The following CALN1 variants were observed in gnomAD, a reference collection of about 807,000 sequenced individuals.
CALN1 encodes calneuron 1, also known as calcium-binding protein 8.
In CALN1, 17 loss-of-function variants were observed where a neutral mutation model predicts 30.6. The ratio of observed to expected loss-of-function variants is 0.56; its 90% CI spans 0.38 to 0.83. CALN1 has a LOEUF of 0.83. Ranked by LOEUF, CALN1 falls within the 40% of genes least tolerant of loss-of-function variation. The pLI is 0.00. For synonymous variants in CALN1, 156 were observed against 131.4 expected (o/e 1.19, Z -1.28); for missense variants, 291 against 354.9 (o/e 0.82, Z 1.45).
chr7:72,310,134 A>G (rs1186286647), intron 2 of CALN1, among the ~76,000 whole-genome samples: 1 of 151,946 alleles, frequency 6.6e-6, no homozygotes, highest in Non-Finnish European at 1.5e-5. Context: ...TTAAGTCTCT[A>G]GATATACAAA....
chr7:72,027,929 G>A (rs1381799160), intron 4 of CALN1, among the ~76,000 whole-genome samples: 1 of 151,622 alleles, frequency 6.6e-6, no homozygotes, highest in African/African-American at 2.4e-5. Flanking sequence ...CGTGGTGGCG[G>A]GCGCCTGTAG....
chr7:72,136,893 T>C (rs1809549546), intron 3 of CALN1, among the ~76,000 whole-genome samples: 1 of 152,172 alleles, frequency 6.6e-6, no homozygotes, highest in South Asian at 2.1e-4. Context: ...TTTATATAGA[T>C]GTAGTTTGTG....
intron 5 of CALN1, among the ~76,000 whole-genome samples, chr7:71,966,743 T>TA (rs1316249171): frequency 6.6e-6 from 1 of 152,190 alleles, no homozygotes; most frequent in Non-Finnish European, 1.5e-5. Context: ...AACAGACTAA[T>TA]ACCATGGTTC....
chr7:72,284,854 A>T (rs1797979104), intron 2 of CALN1, among the ~76,000 whole-genome samples: 1 of 152,142 alleles, frequency 6.6e-6, no homozygotes, highest in Non-Finnish European at 1.5e-5. Flanking sequence ...GATATATGAT[A>T]GATGATGGAT....
chr7:71,892,533 G>A (rs1320884715), intron 5 of CALN1, among the ~76,000 whole-genome samples: 1 of 152,110 alleles, frequency 6.6e-6, no homozygotes, highest in African/African-American at 2.4e-5. Flanking sequence ...CGCTACTCAG[G>A]AGAATCGCTT....
At chr7:72,209,302 TTCCTTCCCTCCTTCCC>T (rs1423582606) in intron 3 of CALN1, among the ~76,000 whole-genome samples, 3 of 40,840 alleles carry the variant, frequency 7.3e-5, no homozygotes, top group African/African-American at 2.2e-4. Flanking sequence ...CCTTCCCTCT[TTCCTTCCCTCCTTCCC>T]TCCTTCCCTC....
intron 4 of CALN1, among the ~76,000 whole-genome samples, chr7:72,056,949 G>GT (rs1424880724): frequency 4.6e-5 from 7 of 151,852 alleles, no homozygotes; most frequent in Admixed American, 2.6e-4. Context: ...TTGTTGTTTT[G>GT]TTTGTTTTAA....
chr7:72,402,881 C>A (rs1478027172), intron 2 of CALN1, among the ~76,000 whole-genome samples: 1 of 152,180 alleles, frequency 6.6e-6, no homozygotes, highest in Non-Finnish European at 1.5e-5. Flanking sequence ...ACGAGATTAA[C>A]AATACCCTCA....
chr7:71,865,316 T>C (rs1344714416), intron 5 of CALN1, among the ~76,000 whole-genome samples: 1 of 152,156 alleles, frequency 6.6e-6, no homozygotes, highest in Admixed American at 6.6e-5. Context: ...CCCCTCTCTA[T>C]CTCTTCCTCC....
chr7:72,460,461 G>A, the CALN1 span, among the ~76,000 whole-genome samples: 3 of 151,524 alleles, frequency 2.0e-5, no homozygotes, highest in Non-Finnish European at 2.9e-5. Flanking sequence ...ATGAAACCCC[G>A]TCTCTACTGA....
chr7:72,149,842 C>T (rs116602748), intron 3 of CALN1, among the ~76,000 whole-genome samples: 1,953 of 151,882 alleles, frequency 0.013, 44 homozygotes, highest in African/African-American at 0.044. Flanking sequence ...GGCCAGGCAC[C>T]GTGGCTCATG....
chr7:71,791,220 C>T (rs905778197), intron 6 of CALN1, among the ~76,000 whole-genome samples: 2 of 152,186 alleles, frequency 1.3e-5, no homozygotes, highest in Non-Finnish European at 2.9e-5. Flanking sequence ...TTATGTACCA[C>T]ATTTCCTTTA....
intron 2 of CALN1, among the ~76,000 whole-genome samples, chr7:72,338,481 G>A (rs1239648580): frequency 8.3e-6 from 1 of 119,892 alleles, no homozygotes; most frequent in African/African-American, 3.8e-5. Flanking sequence ...GTGTGTGTGT[G>A]TGTGTGTGTG....
intron 2 of CALN1, among the ~76,000 whole-genome samples, chr7:72,319,979 C>A (rs564238526): frequency 7.9e-5 from 12 of 152,200 alleles, no homozygotes; most frequent in Non-Finnish European, 1.8e-4. Flanking sequence ...CATGGTGAAA[C>A]CCAGACTCTA....
Position 72,105,940 on chromosome 7 carries a change from A to G in CALN1, c.388+211T>C, listed in dbSNP as rs113258000. Among the ~76,000 whole-genome samples, 505 of 151,930 alleles carry G rather than the reference A, an allele frequency of 3.3e-3. 4 individuals carry two copies. The highest frequency in any genetic ancestry group is 0.012 in the African/African-American group (489 of 41,420). ...TTCCACCAGCCAGGCCTCTTTCCTC[A>G]CCCCATCCTATAGTGGCCCTGAAAC... On this transcript the variant is annotated intron_variant, in intron 4 of 6. Coordinates refer to ENST00000395275, the MANE Select transcript of CALN1 (RefSeq NM_031468.4).
chr7:72,013,705 T>A (rs1800221241), intron 5 of CALN1, among the ~76,000 whole-genome samples: 1 of 152,130 alleles, frequency 6.6e-6, no homozygotes, highest in African/African-American at 2.4e-5. Context: ...TATAAATGGA[T>A]GCATAATAGA....
At chr7:72,499,826 CT>C in the CALN1 span, among the ~76,000 whole-genome samples, 6 of 53,298 alleles carry the variant, frequency 1.1e-4, no homozygotes, top group Non-Finnish European at 2.1e-4. Context: ...TCCTTCCTTC[CT>C]TCTTTCTTTC....
At chr7:71,823,392 A>G (rs1788706490) in intron 5 of CALN1, among the ~76,000 whole-genome samples, 1 of 151,822 alleles carries the variant, frequency 6.6e-6, no homozygotes, top group South Asian at 2.1e-4. Context: ...CGCTGCAAAT[A>G]AAGACATACC....
At chr7:72,220,847 A>C (rs1442207832) in intron 3 of CALN1, among the ~76,000 whole-genome samples, 2 of 152,166 alleles carry the variant, frequency 1.3e-5, no homozygotes, top group African/African-American at 2.4e-5. Flanking sequence ...TCTTCTTCTG[A>C]GAAGTGTCTG....
Sources: allele counts gnomAD v4.1 joint callset (sites outside exome capture counted in the v4.1 genomes callset), GRCh38; gene constraint gnomAD v4.1.1; transcripts MANE v1.5; gene names NCBI Gene and HGNC (gene_info 2026-07-23, HGNC 2026-07-21).